NKAIN2: variants seen among roughly 807,000 people sequenced by gnomAD.
NKAIN2 encodes sodium/potassium-transporting ATPase subunit beta-1-interacting protein 2.
A neutral mutation model predicts 32.6 loss-of-function variants in NKAIN2; 14 were observed. The ratio of observed to expected loss-of-function variants is 0.43; its 90% CI spans 0.28 to 0.67. The LOEUF (loss-of-function observed/expected upper bound fraction) is 0.67. Among genes scored for constraint, NKAIN2 ranks in the 30% least tolerant of loss-of-function variants. The probability of loss-of-function intolerance (pLI) is 0.17; values close to 1 mark genes in which losing one functional copy is unlikely to be tolerated. For synonymous variants in NKAIN2, 80 were observed against 87.2 expected, an observed-to-expected ratio of 0.92 and a Z score of 0.46; for missense variants, 198 against 258.3, an observed-to-expected ratio of 0.77 and a Z score of 1.60.
At chr6:124,634,760 C>A (rs1783707360) in intron 3 of NKAIN2, among the ~76,000 whole-genome samples, 1 of 151,902 alleles carries the variant, frequency 6.6e-6, no homozygotes, top group African/African-American at 2.4e-5. Context: ...ATATAATCAA[C>A]CCAAAAGTGT....
Position 124,556,165 on chromosome 6 carries a change from T to C in NKAIN2, c.274-102021T>C, listed in dbSNP as rs143144811. Reference sequence around the variant, plus strand: ...TCAAGAACTCAGCCTACTTTTATCCTACTTTCTCCTTATCCTGTTAGACTG... The same window carrying C: ...TCAAGAACTCAGCCTACTTTTATCCCACTTTCTCCTTATCCTGTTAGACTG... On this transcript the variant is annotated intron_variant, in intron 3 of 6. Transcript: ENST00000368417. Among the ~76,000 whole-genome samples the C allele has an allele frequency of 3.5e-3, 531 of 152,280 alleles. 5 individuals carry two copies. The highest frequency in any genetic ancestry group is 0.012 in the African/African-American group (497 of 41,560).
chr6:124,100,004 A>G (rs1333034911), intron 1 of NKAIN2, among the ~76,000 whole-genome samples: 1 of 152,226 alleles, frequency 6.6e-6, no homozygotes, highest in Non-Finnish European at 1.5e-5. Context: ...TAACAAAGAC[A>G]TCTTCATTTT....
intron 1 of NKAIN2, among the ~76,000 whole-genome samples, chr6:124,141,869 A>C (rs968539120): frequency 2.0e-5 from 3 of 152,156 alleles, no homozygotes; most frequent in Non-Finnish European, 4.4e-5. Context: ...CTTGAATTGC[A>C]ACCAGTTCAC....
chr6:124,480,295 A>G (rs572024961), intron 3 of NKAIN2, among the ~76,000 whole-genome samples: 1 of 152,320 alleles, frequency 6.6e-6, no homozygotes, highest in East Asian at 1.9e-4. Context: ...ACAACTTACT[A>G]CTTAACAGCT....
chr6:124,256,968 T>C lies in NKAIN2; in HGVS notation c.55-26037T>C, dbSNP rs535952967. On this transcript the variant is annotated intron_variant, in intron 1 of 6. Transcript: ENST00000368417. ...AACGTGCAAAAGCTATAACTTCTTT[T>C]GGAAGTGAGGGAGATAAATACAATC... 2.2e-3 allele frequency among the ~76,000 whole-genome samples: 334 copies of C among 150,942 alleles called. 1 individual carries two copies. Among genetic ancestry groups the C allele is most frequent in the African/African-American group, 7.8e-3 (321 of 40,930 alleles).
intron 1 of NKAIN2, among the ~76,000 whole-genome samples, chr6:124,135,159 CA>C (rs1369901444): frequency 6.6e-6 from 1 of 151,630 alleles, no homozygotes; most frequent in Non-Finnish European, 1.5e-5. Flanking sequence ...CAAAATACAC[CA>C]AAATGAACCT....
chr6:124,456,015 T>C (rs989039570), intron 3 of NKAIN2, among the ~76,000 whole-genome samples: 1 of 151,890 alleles, frequency 6.6e-6, no homozygotes, highest in East Asian at 1.9e-4. Flanking sequence ...GATAGGATGG[T>C]GTAACAGTCT....
At chr6:124,467,156 A>T (rs1308502714) in intron 3 of NKAIN2, among the ~76,000 whole-genome samples, 3 of 152,086 alleles carry the variant, frequency 2.0e-5, no homozygotes, top group Non-Finnish European at 2.9e-5. Flanking sequence ...GAAAATTGCC[A>T]TGATCCCAGA....
intron 1 of NKAIN2, among the ~76,000 whole-genome samples, chr6:123,969,589 G>A (rs75015740): frequency 0.026 from 3,900 of 152,224 alleles, 95 homozygotes; most frequent in East Asian, 0.14. Flanking sequence ...GCCTGCCAGA[G>A]CTTCAAATAG....
At chr6:124,244,755 T>C (rs1010744228) in intron 1 of NKAIN2, among the ~76,000 whole-genome samples, 2 of 152,010 alleles carry the variant, frequency 1.3e-5, no homozygotes, top group Non-Finnish European at 2.9e-5. Flanking sequence ...CCTTGACACT[T>C]TACAGGATAC....
intron 1 of NKAIN2, among the ~76,000 whole-genome samples, chr6:124,130,030 G>A (rs375605671): frequency 4.2e-4 from 64 of 152,298 alleles, no homozygotes; most frequent in African/African-American, 1.5e-3. Context: ...TGCAATCTAA[G>A]TGAAAAGAGC....
intron 1 of NKAIN2, among the ~76,000 whole-genome samples, chr6:124,062,347 G>C (rs948883871): frequency 6.6e-6 from 1 of 152,062 alleles, no homozygotes; most frequent in African/African-American, 2.4e-5. Flanking sequence ...TCATGTCTGC[G>C]CATTTGCTTA....
intron 1 of NKAIN2, among the ~76,000 whole-genome samples, chr6:124,220,664 A>G (rs1480404626): frequency 1.3e-5 from 2 of 151,634 alleles, no homozygotes; most frequent in Non-Finnish European, 2.9e-5. Flanking sequence ...GTATTGATAA[A>G]TTGTTTTCTA....
intron 1 of NKAIN2, among the ~76,000 whole-genome samples, chr6:124,180,710 A>G (rs1354985946): frequency 1.3e-5 from 2 of 152,186 alleles, no homozygotes; most frequent in African/African-American, 4.8e-5. Flanking sequence ...ATGAGCCTGT[A>G]AAATCAAAAG....
intron 2 of NKAIN2, among the ~76,000 whole-genome samples, chr6:124,290,451 C>T (rs531835868): frequency 2.6e-5 from 4 of 151,126 alleles, no homozygotes; most frequent in Non-Finnish European, 5.9e-5. Flanking sequence ...AACTTCCTTT[C>T]CATACTCTTC....
intron 1 of NKAIN2, among the ~76,000 whole-genome samples, chr6:124,035,117 A>C (rs1781558101): frequency 6.6e-6 from 1 of 152,132 alleles, no homozygotes; most frequent in Admixed American, 6.6e-5. Context: ...CAGAAATGCA[A>C]GAAAATACAG....
intron 1 of NKAIN2, among the ~76,000 whole-genome samples, chr6:123,993,369 T>C (rs1031178370): frequency 2.6e-5 from 4 of 152,186 alleles, no homozygotes; most frequent in Non-Finnish European, 5.9e-5. Context: ...TATCATTAGA[T>C]GAACATCAAT....
chr6:123,997,760 C>T (rs563239713), intron 1 of NKAIN2, among the ~76,000 whole-genome samples: 29 of 151,780 alleles, frequency 1.9e-4, no homozygotes, highest in South Asian at 4.2e-4. Context: ...CCTGCCACCA[C>T]GCCCGGCTAA....
chr6:124,044,754 A>G (rs1782040259), intron 1 of NKAIN2, among the ~76,000 whole-genome samples: 1 of 152,102 alleles, frequency 6.6e-6, no homozygotes, highest in Admixed American at 6.6e-5. Context: ...TTGGCAGACT[A>G]CTAACCTTTC....
Sources: allele counts gnomAD v4.1 joint callset (sites outside exome capture counted in the v4.1 genomes callset), GRCh38; gene constraint gnomAD v4.1.1; transcripts MANE v1.5; gene names NCBI Gene and HGNC (gene_info 2026-07-23, HGNC 2026-07-21).